Variants in RUNX1 observed in about 807,000 individuals in gnomAD.
RUNX1 encodes RUNX family transcription factor 1.
RUNX1 carries 19 observed loss-of-function variants against 42.8 expected under a neutral mutation model. The ratio of observed to expected loss-of-function variants is 0.44; its 90% confidence interval spans 0.31 to 0.65. RUNX1 has a LOEUF of 0.65. RUNX1 is among the 30% of genes least tolerant of loss of function. RUNX1 has a pLI of 0.07. For missense variants in RUNX1, 528 were observed against 672.0 expected (o/e 0.79, Z 2.37); for synonymous variants, 271 against 289.4 (o/e 0.94, Z 0.64).
At chr21:34,992,276 G>A (rs1026821785) in intron 2 of RUNX1, among the ~76,000 whole-genome samples, 11 of 152,162 alleles carry the variant, frequency 7.2e-5, no homozygotes, top group African/African-American at 1.7e-4. Flanking sequence ...CCCAGATGGC[G>A]CACACATTGC....
At position 34,888,803 on chromosome 21, in the gene RUNX1, G is replaced by A. The variant is rs565484597; in HGVS notation, c.98-1707C>T. 1.7e-5 allele frequency: 9 copies of A among 543,906 alleles called. No individual in the cohort carries two copies. In the South Asian group the frequency reaches 7.3e-4, roughly 44 times the overall value. 33.7% of individuals were successfully genotyped at this position (543,906 alleles called of 1,614,324 possible). A position where few individuals can be genotyped will look rare whatever the true frequency, so the allele number is the denominator to read the frequency against. ...CGGCGGCCAATCACAGGCCTTTCCG[G>A]TATCAGCCAGGGCGCGGCTCGCCGC... On this transcript the variant is annotated intron_variant, in intron 3 of 8. Transcript: ENST00000675419.
intron 2 of RUNX1, among the ~76,000 whole-genome samples, chr21:35,005,085 T>C (rs2059074241): frequency 6.6e-6 from 1 of 152,308 alleles, no homozygotes; most frequent in Middle Eastern, 3.4e-3. Flanking sequence ...AGAGAAGGCA[T>C]AGGTAGATTT....
At chr21:35,014,250 T>C (rs1296942721) in intron 2 of RUNX1, among the ~76,000 whole-genome samples, 2 of 152,248 alleles carry the variant, frequency 1.3e-5, no homozygotes, top group Non-Finnish European at 2.9e-5. Context: ...TTTCAGCTGG[T>C]ATCTAAGGGT....
At chr21:34,831,308 C>T (rs189026111) in intron 7 of RUNX1, among the ~76,000 whole-genome samples, 5 of 152,272 alleles carry the variant, frequency 3.3e-5, no homozygotes, top group Non-Finnish European at 7.4e-5. Context: ...ATAGTTAAGA[C>T]CCCAACAAAT....
At position 35,018,659 on chromosome 21, in the gene RUNX1, G is replaced by A. The variant is rs568381813; in HGVS notation, c.58+30183C>T. Among the ~76,000 whole-genome samples the A allele has an allele frequency of 1.9e-3, 283 of 152,258 alleles. No homozygotes were observed. The Middle Eastern group carries it at 0.027, about 15-fold the overall frequency. ...ATTAAATAAGGCACTCTGGACATAC[G>A]CAGCCCCTCAGGAACACAGCTTGGT... is the stretch of plus-strand genomic sequence containing the variant. On this transcript the variant is annotated intron_variant, in intron 2 of 8. Coordinates refer to ENST00000675419, the MANE Select transcript of RUNX1 (RefSeq NM_001754.5).
intron 2 of RUNX1, among the ~76,000 whole-genome samples, chr21:35,016,984 G>T (rs1258279587): frequency 6.6e-6 from 1 of 151,648 alleles, no homozygotes; most frequent in African/African-American, 2.4e-5. Flanking sequence ...GGCCCAAAGA[G>T]CAGTAATGGG....
chr21:34,937,391 G>C (rs544046464), intron 2 of RUNX1, among the ~76,000 whole-genome samples: 39 of 149,716 alleles, frequency 2.6e-4, no homozygotes, highest in African/African-American at 9.3e-4. Context: ...CATAGGCTCT[G>C]GGGATAATGT....
intron 2 of RUNX1, among the ~76,000 whole-genome samples, chr21:35,000,236 CTTTT>C (rs397866864): frequency 9.0e-6 from 1 of 110,970 alleles, no homozygotes; most frequent in Admixed American, 9.2e-5. Context: ...TTCTTTCTTT[CTTTT>C]TTTTTTTTTT....
chr21:34,996,512 A>G (rs2058997559), intron 2 of RUNX1, among the ~76,000 whole-genome samples: 1 of 152,038 alleles, frequency 6.6e-6, no homozygotes, highest in South Asian at 2.1e-4. Context: ...GTGTCAGCCC[A>G]CGAGATGCTG....
At chr21:35,007,746 C>A (rs1434914852) in intron 2 of RUNX1, among the ~76,000 whole-genome samples, 1 of 152,044 alleles carries the variant, frequency 6.6e-6, no homozygotes, top group Non-Finnish European at 1.5e-5. Flanking sequence ...TCGTTCAGGC[C>A]CTTTATTTTG....
At chr21:34,961,271 G>A (rs939832683) in intron 2 of RUNX1, among the ~76,000 whole-genome samples, 2 of 152,090 alleles carry the variant, frequency 1.3e-5, no homozygotes, top group East Asian at 3.9e-4. Flanking sequence ...CTACTCAGGA[G>A]GCTGAAGCAG....
chr21:35,042,062 C>T (rs1766191590), intron 2 of RUNX1, among the ~76,000 whole-genome samples: 1 of 152,162 alleles, frequency 6.6e-6, no homozygotes, highest in Admixed American at 6.5e-5. Context: ...GGTGTGGTGG[C>T]TCTGATGCAA....
At chr21:34,890,896 G>A (rs917760930) in intron 3 of RUNX1, among the ~76,000 whole-genome samples, 9 of 152,128 alleles carry the variant, frequency 5.9e-5, no homozygotes, top group Non-Finnish European at 1.0e-4. Context: ...GGTCTCCAAT[G>A]CATTTCCCCG....
In RUNX1 at chr21:34,789,355, T is replaced by C. The variant is rs886057034; in HGVS notation, c.*2780A>G. On this transcript the variant is annotated 3_prime_UTR_variant, in exon 9 of 9. Transcript: ENST00000675419. ...ATTGGGGGGAAGAGAGGGAGGGAAA[T>C]GTATTTTCAGATAGTGAGAAAAAGA... 1 of 233,140 alleles carries C rather than the reference T, an allele frequency of 4.3e-6. No homozygotes were observed. Among genetic ancestry groups the C allele is most frequent in the Non-Finnish European group, 8.5e-6 (1 of 117,980 alleles). 14.4% of individuals were successfully genotyped at this position (233,140 alleles called of 1,614,324 possible). A position where few individuals can be genotyped will look rare whatever the true frequency, so the allele number is the denominator to read the frequency against.
chr21:34,889,387 G>A (rs1011666963), intron 3 of RUNX1, among the ~76,000 whole-genome samples: 2 of 152,016 alleles, frequency 1.3e-5, no homozygotes, highest in Admixed American at 6.5e-5. Flanking sequence ...TGTAATGGGT[G>A]TTTTTTACCG....
chr21:34,936,365 T>C (rs1339185328), intron 2 of RUNX1, among the ~76,000 whole-genome samples: 1 of 152,136 alleles, frequency 6.6e-6, no homozygotes, highest in Non-Finnish European at 1.5e-5. Context: ...GAAGAAAGAA[T>C]AAAACATAAT....
chr21:34,927,351 G>T (rs140002353), intron 2 of RUNX1, among the ~76,000 whole-genome samples: 1 of 152,188 alleles, frequency 6.6e-6, no homozygotes, highest in African/African-American at 2.4e-5. Context: ...GGACTCGCAC[G>T]TGTAGGGCAA....
intron 2 of RUNX1, among the ~76,000 whole-genome samples, chr21:34,963,235 C>T (rs1455544338): frequency 6.6e-6 from 1 of 152,164 alleles, no homozygotes; most frequent in East Asian, 1.9e-4. Context: ...TTCCCTGAAC[C>T]CTGAACCACT....
intron 6 of RUNX1, among the ~76,000 whole-genome samples, chr21:34,844,874 C>T (rs965796077): frequency 6.6e-6 from 1 of 152,184 alleles, no homozygotes; most frequent in Non-Finnish European, 1.5e-5. Context: ...CAGGTCCTGG[C>T]TGGTACAGAA....
Sources: allele counts gnomAD v4.1 joint callset (sites outside exome capture counted in the v4.1 genomes callset), GRCh38; gene constraint gnomAD v4.1.1; transcripts MANE v1.5; gene names NCBI Gene and HGNC (gene_info 2026-07-23, HGNC 2026-07-21).